Variants in FGF18 observed in about 807,000 individuals in gnomAD.
The protein encoded by FGF18 is fibroblast growth factor 18.
Under a neutral mutation model 23.0 loss-of-function variants are expected in FGF18, and 5 were observed. That is an observed-to-expected ratio of 0.22 (90% CI 0.11 to 0.46). The LOEUF is 0.46. Ranked by LOEUF, FGF18 falls within the 20% of genes least tolerant of loss-of-function variation. The pLI is 0.99. For synonymous variants in FGF18, 117 were observed against 118.9 expected, an observed-to-expected ratio of 0.98 and a Z score of 0.10; for missense variants, 180 against 291.6, an observed-to-expected ratio of 0.62 and a Z score of 2.79.
Position 171,456,637 on chromosome 5 carries a change from C to T in FGF18, c.456C>T (p.Gly152=). The T allele has an allele frequency of 6.2e-7, 1 of 1,614,092 alleles. No individual in the cohort carries two copies. The part of the protein sequence containing the change: ...MSAKYSGWYV[G]FTKKGRPRKG... ...CTAAGTACTCCGGCTGGTACGTGGGCTTCACCAAGAAGGGGCGGCCGCGGA... is the reference window on the plus strand; with the variant it reads ...CTAAGTACTCCGGCTGGTACGTGGGTTTCACCAAGAAGGGGCGGCCGCGGA... The change falls in exon 5 of 5, where the codon GGC becomes GGT. Residue 152 remains glycine, a synonymous_variant. Transcript: ENST00000274625. This position sits in a 1 kb window ranked among gnomAD's most constrained non-coding sequence, Gnocchi z 6.1.
At chr5:171,437,773 C>T (rs1312007339) in intron 3 of FGF18, among the ~76,000 whole-genome samples, 1 of 152,186 alleles carries the variant, frequency 6.6e-6, no homozygotes, top group Non-Finnish European at 1.5e-5. Context: ...GCTGGCTGGC[C>T]GTGGCAGGAG....
At chr5:171,430,988 T>G (rs1294234048) in intron 2 of FGF18, among the ~76,000 whole-genome samples, 1 of 151,972 alleles carries the variant, frequency 6.6e-6, no homozygotes, top group Non-Finnish European at 1.5e-5. Context: ...CCTGTGTGAG[T>G]GTTGCGTGTG....
Position 171,434,809 on chromosome 5 carries a change from CT to C in FGF18, c.70-1268del, listed in dbSNP as rs35377470. ...GAGACACTGCTCCAGCTTTCTCTCCCTTTTTTTTTTTTTTTTGATGGTGCTG... is the reference window on the plus strand; with the variant it reads ...GAGACACTGCTCCAGCTTTCTCTCCCTTTTTTTTTTTTTTTGATGGTGCTG... On this transcript the variant is annotated intron_variant, in intron 2 of 4. Transcript: ENST00000274625. This position sits in a 1 kb window ranked among gnomAD's most constrained non-coding sequence, Gnocchi z 4.6. Among the ~76,000 whole-genome samples the C allele has an allele frequency of 4.1e-3, 577 of 141,600 alleles. 1 individual carries two copies. The highest frequency in any genetic ancestry group is 5.7e-3 in the African/African-American group (221 of 38,462). 92.9% of individuals were successfully genotyped at this position (141,600 alleles called of 152,430 possible). A position where few individuals can be genotyped will look rare whatever the true frequency, so the allele number is the denominator to read the frequency against.
intron 2 of FGF18, among the ~76,000 whole-genome samples, chr5:171,421,120 G>A (rs6887323): frequency 0.55 from 83,145 of 152,132 alleles, 22,768 homozygotes; most frequent in Middle Eastern, 0.6. Flanking sequence ...CTTGGCGCTC[G>A]GCCTGGAAAG....
At chr5:171,444,647 G>A (rs556690145) in intron 3 of FGF18, among the ~76,000 whole-genome samples, 4 of 152,268 alleles carry the variant, frequency 2.6e-5, no homozygotes, top group African/African-American at 9.6e-5. Flanking sequence ...GGCACCGAGA[G>A]TCGCACCAGG....
At chr5:171,454,782 G>C (rs1473113777) in intron 4 of FGF18, among the ~76,000 whole-genome samples, 1 of 152,268 alleles carries the variant, frequency 6.6e-6, no homozygotes, top group African/African-American at 2.4e-5. Flanking sequence ...GTAACGAGGA[G>C]TGGGCCCGGC....
At chr5:171,441,069 A>AGAC (rs1486823976) in intron 3 of FGF18, among the ~76,000 whole-genome samples, 1 of 152,212 alleles carries the variant, frequency 6.6e-6, no homozygotes, top group African/African-American at 2.4e-5. Context: ...GGCTGCCGTC[A>AGAC]GTGGCTCACA....
rs56932885 is a variant in FGF18 at position 171,449,360 on chromosome 5, CGTGTGTGTGTGTGTGTGT to C, written c.357+131_357+148del. ...TGTCAGTCCCAAATGGAAAACAGGC[CGTGTGTGTGTGTGTGTGT>C]GTGTGTGTGTGTGTGTGTGTGTGAG... On this transcript the variant is annotated intron_variant, in intron 4 of 4. Transcript: ENST00000274625. 1,500 of 187,250 alleles carry C rather than the reference CGTGTGTGTGTGTGTGTGT, an allele frequency of 8.0e-3. 21 individuals carry two copies. The highest frequency in any genetic ancestry group is 0.052 in the African/African-American group (1,388 of 26,722). The allele number at this position is 187,250 out of a possible 1,614,324, so 11.6% of individuals were successfully genotyped here.
chr5:171,445,614 C>T (rs1027940936), intron 3 of FGF18, among the ~76,000 whole-genome samples: 1 of 151,258 alleles, frequency 6.6e-6, no homozygotes, highest in Non-Finnish European at 1.5e-5. Context: ...GATCCACCCG[C>T]CTTGGCCTCC....
At chr5:171,428,870 T>G (rs1581271004) in intron 2 of FGF18, among the ~76,000 whole-genome samples, 1 of 152,280 alleles carries the variant, frequency 6.6e-6, no homozygotes, top group Non-Finnish European at 1.5e-5. Flanking sequence ...GCAGCAGCGG[T>G]GCCCATATTG....
At chr5:171,423,676 G>A (rs960147889) in intron 2 of FGF18, among the ~76,000 whole-genome samples, 1 of 152,104 alleles carries the variant, frequency 6.6e-6, no homozygotes, top group Non-Finnish European at 1.5e-5. Flanking sequence ...TCCTCAGTGA[G>A]GTTTAGACCC....
rs113891825 is a variant in FGF18 at position 171,440,444 on chromosome 5, C to T, written c.250+4171C>T. Reference sequence around the variant, plus strand: ...GGAGGGCCTTTGGCTCCCCTGATTGCGTGTGTCTCCCCTCAGTCCCTTATT... The same window carrying T: ...GGAGGGCCTTTGGCTCCCCTGATTGTGTGTGTCTCCCCTCAGTCCCTTATT... On this transcript the variant is annotated intron_variant, in intron 3 of 4. Transcript: ENST00000274625. The surrounding 1 kb of genome is among the most constrained non-coding windows in gnomAD (Gnocchi z 4.0). Among the ~76,000 whole-genome samples the T allele has an allele frequency of 6.6e-6, 1 of 152,110 alleles. No homozygotes were observed.
At chr5:171,453,341 C>T (rs1032122361) in intron 4 of FGF18, among the ~76,000 whole-genome samples, 2 of 152,336 alleles carry the variant, frequency 1.3e-5, no homozygotes, top group African/African-American at 4.8e-5. Context: ...AATTTCAGCC[C>T]AAAGCCTAGC....
chr5:171,427,038 G>C (rs540105066), intron 2 of FGF18, among the ~76,000 whole-genome samples: 109 of 152,036 alleles, frequency 7.2e-4, no homozygotes, highest in Non-Finnish European at 1.2e-3. Flanking sequence ...GTGAAACCCC[G>C]CCCCTACTAA....
At position 171,420,232 on chromosome 5, in the gene FGF18, G is replaced by T; in HGVS notation, c.32+1G>T. On this transcript the variant is annotated splice_donor_variant, in intron 1 of 4. Transcript: ENST00000274625. LOFTEE classifies it high-confidence loss of function. ...CAGCGCCCTCCGCCTGCACTTGCCT[G>T]TAAGCGCCCGCGCGCGGGGCTGCCC... 6.4e-7 allele frequency: 1 copy of T among 1,573,184 alleles called. No homozygotes were observed. Among genetic ancestry groups the T allele is most frequent in the East Asian group, 2.3e-5 (1 of 42,630 alleles).
rs572224834 is a variant in FGF18 at position 171,422,622 on chromosome 5, C to G, written c.69+2179C>G. On this transcript the variant is annotated intron_variant, in intron 2 of 4. Transcript: ENST00000274625. The stretch of plus-strand genomic sequence containing the variant: ...CAGGCTTATGTCCCCATTCACACTA[C>G]AGGGGCAAAGGTGGGGTGGCCTTAA... Among the ~76,000 whole-genome samples, 22 of 152,308 alleles carry G rather than the reference C, an allele frequency of 1.4e-4. 1 individual carries two copies. The South Asian group carries it at 3.5e-3, about 24-fold the overall frequency.
chr5:171,419,715 G>C lies in FGF18; in HGVS notation c.-485G>C, dbSNP rs991007526. 1 of 151,558 alleles carries C rather than the reference G, an allele frequency of 6.6e-6. No individual in the cohort carries two copies. The highest frequency in any genetic ancestry group is 2.4e-5 in the African/African-American group (1 of 41,368). The allele number at this position is 151,558 out of a possible 1,614,324, so 9.4% of individuals were successfully genotyped here. ...ACATGAGCCGGCGGGCGCCCAGACG[G>C]AGCGGCCGTGACGCTTTCGCGCTGC... is the stretch of plus-strand genomic sequence containing the variant. On this transcript the variant is annotated 5_prime_UTR_variant, in exon 1 of 5. Coordinates refer to ENST00000274625, the MANE Select transcript of FGF18 (RefSeq NM_003862.3).
intron 2 of FGF18, among the ~76,000 whole-genome samples, chr5:171,428,849 G>T (rs1772136728): frequency 6.6e-6 from 1 of 152,206 alleles, no homozygotes; most frequent in African/African-American, 2.4e-5. Context: ...CGGCTCCAGG[G>T]TTGGCTGCCT....
At chr5:171,420,538 C>G (rs1771988496) in intron 2 of FGF18, 95 bp downstream of exon 2, 2 of 1,242,570 alleles carry the variant, frequency 1.6e-6, no homozygotes, top group African/African-American at 2.9e-5. Flanking sequence ...TGTGCCCCAC[C>G]CCTCCTGGGC....
Sources: gnomAD v4.1 joint callset for allele counts (sites outside exome capture counted in the v4.1 genomes callset) on GRCh38, gnomAD v4.1.1 for gene constraint, Gnocchi (gnomAD v3.1) non-coding constraint, MANE v1.5 for transcripts, NCBI Gene and HGNC (gene_info 2026-07-23, HGNC 2026-07-21) for gene names.